The following ATL2 variants were observed in gnomAD, a reference collection of about 807,000 sequenced individuals.
ATL2 encodes the protein atlastin-2.
ATL2 carries 31 observed loss-of-function variants against 73.9 expected under a neutral mutation model. That is an observed-to-expected ratio of 0.42 (90% confidence interval 0.32 to 0.57). ATL2 has a LOEUF of 0.57. Ranked by LOEUF, ATL2 falls within the 20% of genes least tolerant of loss-of-function variation. ATL2 has a pLI of 0.14. For synonymous variants in ATL2, 291 were observed against 237.5 expected (o/e 1.23, Z -2.07); for missense variants, 738 against 702.6 (o/e 1.05, Z -0.57).
chr2:38,318,843 CAAGA>C, intron 3 of ATL2, 38 bp downstream of exon 3: 3 of 1,585,192 alleles, frequency 1.9e-6, no homozygotes, highest in Non-Finnish European at 2.6e-6. Flanking sequence ...GAAAATAGCC[CAAGA>C]AAGAATACAG....
chr2:38,323,016 A>C (rs1247806207), intron 2 of ATL2, among the ~76,000 whole-genome samples: 1 of 152,238 alleles, frequency 6.6e-6, no homozygotes, highest in South Asian at 2.1e-4. Context: ...TCATTCATTA[A>C]ATATTTGTGG....
rs780435139 is a variant in ATL2 at position 38,343,626 on chromosome 2, T to C, written c.119-114A>G. ...AAGTAATTGCCCCCTCCCCCCATTA[T>C]AGATCATTATAATGTTCCTTTGGAT... On this transcript the variant is annotated intron_variant, in intron 1 of 12. Coordinates refer to ENST00000378954, the MANE Select transcript of ATL2 (RefSeq NM_001135673.4). The C allele has an allele frequency of 4.2e-5, 37 of 876,918 alleles. 1 individual carries two copies. Among genetic ancestry groups the C allele is most frequent in the South Asian group, 2.8e-4 (18 of 64,794 alleles). The allele number at this position is 876,918 out of a possible 1,614,324, so 54.3% of individuals were successfully genotyped here.
chr2:38,352,401 G>C (rs1670411454), intron 1 of ATL2, among the ~76,000 whole-genome samples: 1 of 152,158 alleles, frequency 6.6e-6, no homozygotes. Context: ...TTCAAGGTGA[G>C]TGCCATGATC....
chr2:38,347,251 G>A (rs1285219471), intron 1 of ATL2, among the ~76,000 whole-genome samples: 1 of 152,138 alleles, frequency 6.6e-6, no homozygotes, highest in African/African-American at 2.4e-5. Flanking sequence ...GCCTTATAAA[G>A]CACATGTCAT....
intron 1 of ATL2, among the ~76,000 whole-genome samples, chr2:38,368,598 A>G (rs1429688774): frequency 6.6e-6 from 1 of 152,242 alleles, no homozygotes; most frequent in African/African-American, 2.4e-5. Context: ...AAAGACTAAG[A>G]CTACCACTAA....
At chr2:38,327,553 A>C (rs1425439684) in intron 2 of ATL2, among the ~76,000 whole-genome samples, 1 of 151,548 alleles carries the variant, frequency 6.6e-6, no homozygotes, top group East Asian at 1.9e-4. Context: ...AAAAAAAAAA[A>C]AAACACCAGA....
At chr2:38,318,856 AG>A (rs1486456526) in intron 3 of ATL2, 28 bp downstream of exon 3, 1 of 1,598,756 alleles carries the variant, frequency 6.3e-7, no homozygotes, top group African/African-American at 1.3e-5. Context: ...GAAAGAATAC[AG>A]GGTAGAAAAG....
rs1427617691 is a variant in ATL2, at chr2:38,334,884, A to ATTTATAAATTTT, written c.363+8383_363+8384insAAAATTTATAAA. The stretch of plus-strand genomic sequence containing the variant: ...ATATATTATATAATATATATTATAT[A>ATTTATAAATTTT]ATATATAATATATATTATTTATAAT... On this transcript the variant is annotated intron_variant, in intron 2 of 12. Coordinates refer to ENST00000378954, the MANE Select transcript of ATL2 (RefSeq NM_001135673.4). Among the ~76,000 whole-genome samples, 270 of 137,688 alleles carry ATTTATAAATTTT rather than the reference A, an allele frequency of 2.0e-3. 5 individuals carry two copies. Among genetic ancestry groups the ATTTATAAATTTT allele is most frequent in the Middle Eastern group, 3.6e-3 (1 of 274 alleles). The allele number at this position is 137,688 out of a possible 152,430, so 90.3% of individuals were successfully genotyped here.
At chr2:38,312,932 G>A (rs1667837842) in intron 7 of ATL2, among the ~76,000 whole-genome samples, 1 of 152,108 alleles carries the variant, frequency 6.6e-6, no homozygotes, top group Admixed American at 6.5e-5. Context: ...TAGGAATAAA[G>A]GATCATGATC....
intron 1 of ATL2, among the ~76,000 whole-genome samples, chr2:38,346,313 A>T (rs1340526626): frequency 6.6e-6 from 1 of 152,128 alleles, no homozygotes; most frequent in Admixed American, 6.5e-5. Flanking sequence ...AATCCAATCT[A>T]ATCTCCACAG....
At chr2:38,356,824 C>T (rs1670696193) in intron 1 of ATL2, among the ~76,000 whole-genome samples, 1 of 152,120 alleles carries the variant, frequency 6.6e-6, no homozygotes, top group South Asian at 2.1e-4. Context: ...CATTTCTATA[C>T]ATGTTTCCTC....
chr2:38,374,719 CTAGT>C (rs1671866846), intron 1 of ATL2, among the ~76,000 whole-genome samples: 1 of 152,216 alleles, frequency 6.6e-6, no homozygotes, highest in South Asian at 2.1e-4. Context: ...CATTATCAAA[CTAGT>C]TAATCAGTCT....
rs1666865657 is a variant in ATL2, at chr2:38,295,936, C to T, written c.*58G>A. On this transcript the variant is annotated 3_prime_UTR_variant, in exon 13 of 13. Coordinates refer to ENST00000378954, the MANE Select transcript of ATL2 (RefSeq NM_001135673.4). ...ACTTTGGTTTATTTTTATTTGAGTT[C>T]TCATTGTACAGCAAGCATGAAAAAA... The T allele has an allele frequency of 7.3e-7, 1 of 1,375,696 alleles. No individual in the cohort carries two copies. Among genetic ancestry groups the T allele is most frequent in the Non-Finnish European group, 9.9e-7 (1 of 1,007,802 alleles). 85.2% of individuals were successfully genotyped at this position (1,375,696 alleles called of 1,614,324 possible). A position where few individuals can be genotyped will look rare whatever the true frequency, so the allele number is the denominator to read the frequency against.
At chr2:38,327,412 C>T (rs2148454384) in intron 2 of ATL2, among the ~76,000 whole-genome samples, 1 of 151,664 alleles carries the variant, frequency 6.6e-6, no homozygotes, top group Middle Eastern at 3.4e-3. Flanking sequence ...ACATTGCAAA[C>T]TCCAGGCAGC....
chr2:38,294,497 A>C lies in ATL2; in HGVS notation c.*1497T>G, dbSNP rs750347355. Among the ~76,000 whole-genome samples, 4 of 152,122 alleles carry C rather than the reference A, an allele frequency of 2.6e-5. No individual in the cohort carries two copies. Among genetic ancestry groups the C allele is most frequent in the African/African-American group, 4.8e-5 (2 of 41,448 alleles). On this transcript the variant is annotated 3_prime_UTR_variant, in exon 13 of 13. Coordinates refer to ENST00000378954, the MANE Select transcript of ATL2 (RefSeq NM_001135673.4). The stretch of plus-strand genomic sequence containing the variant: ...CAGGAGGTGGAGGTTGCAGTGAGCC[A>C]AGATCGCACCACTGCACTCCAGCCT...
intron 1 of ATL2, among the ~76,000 whole-genome samples, chr2:38,354,819 G>C (rs1473609891): frequency 6.6e-6 from 1 of 152,084 alleles, no homozygotes; most frequent in African/African-American, 2.4e-5. Flanking sequence ...TAACCCAGGA[G>C]GCGGAGGTTG....
At chr2:38,297,542 T>C (rs1482360525) in intron 12 of ATL2, among the ~76,000 whole-genome samples, 2 of 152,186 alleles carry the variant, frequency 1.3e-5, no homozygotes, top group African/African-American at 4.8e-5. Context: ...GAATTCTGGT[T>C]CGAGGTAAAA....
At chr2:38,341,740 T>C (rs373558824) in intron 2 of ATL2, among the ~76,000 whole-genome samples, 9 of 152,240 alleles carry the variant, frequency 5.9e-5, no homozygotes, top group South Asian at 2.1e-4. Context: ...AACTATGCTA[T>C]TGATACTCAG....
rs1221902345 is a variant in ATL2 at position 38,318,538 on chromosome 2, G to C, written c.600C>G (p.Val200=). Residue 200 remains valine (V), a synonymous_variant, in exon 4 of 13, where the codon GTC becomes GTG. Coordinates refer to ENST00000378954, the MANE Select transcript of ATL2 (RefSeq NM_001135673.4). ...VFALSTMTSS[V]QVYNLSQNIQ... ...ACCACTTAATCTTGTGTCTCACCTG[G>C]ACAGAGCTAGTCATAGTGCTCAGAG... 1 of 1,590,382 alleles carries C rather than the reference G, an allele frequency of 6.3e-7. No individual in the cohort carries two copies. Among genetic ancestry groups the C allele is most frequent in the Non-Finnish European group, 8.5e-7 (1 of 1,172,346 alleles).
Sources: gnomAD v4.1 joint callset for allele counts (sites outside exome capture counted in the v4.1 genomes callset) on GRCh38, gnomAD v4.1.1 for gene constraint, MANE v1.5 for transcripts, NCBI Gene and HGNC (gene_info 2026-07-23, HGNC 2026-07-21) for gene names.